The following BTBD9 variants were observed in gnomAD, a reference collection of about 807,000 sequenced individuals.
The protein encoded by BTBD9 is BTB/POZ domain-containing protein 9.
In BTBD9, 49 loss-of-function variants were observed where a neutral mutation model predicts 64.3. That is an observed-to-expected ratio of 0.76 (90% CI 0.61 to 0.97). BTBD9 has a LOEUF of 0.97. Ranked by LOEUF, BTBD9 falls within the 50% of genes least tolerant of loss-of-function variation. The pLI is 0.00. For synonymous variants in BTBD9, 260 were observed against 274.7 expected, an observed-to-expected ratio of 0.95 and a Z score of 0.53; for missense variants, 598 against 762.1, an observed-to-expected ratio of 0.78 and a Z score of 2.53.
intron 6 of BTBD9, among the ~76,000 whole-genome samples, chr6:38,526,060 G>C (rs924092081): frequency 3.3e-5 from 5 of 152,194 alleles, no homozygotes; most frequent in Admixed American, 3.3e-4. Flanking sequence ...TGCCTCCAAG[G>C]CATTTCAGAG....
chr6:38,391,192 T>A (rs1378811851), intron 6 of BTBD9, among the ~76,000 whole-genome samples: 4 of 152,228 alleles, frequency 2.6e-5, no homozygotes, highest in Non-Finnish European at 4.4e-5. Flanking sequence ...GATGATTAGC[T>A]CATGAACCTT....
chr6:38,416,404 G>A (rs945768853), intron 6 of BTBD9, among the ~76,000 whole-genome samples: 6 of 149,918 alleles, frequency 4.0e-5, no homozygotes, highest in Non-Finnish European at 8.9e-5. Context: ...GCGTGATCTC[G>A]GCTCACTGCA....
intron 6 of BTBD9, among the ~76,000 whole-genome samples, chr6:38,398,215 A>C (rs886396225): frequency 1.3e-5 from 2 of 152,240 alleles, no homozygotes; most frequent in African/African-American, 4.8e-5. Context: ...TATGAAGCAC[A>C]ATTTTAAAAA....
intron 4 of BTBD9, chr6:38,587,602 G>T: frequency 1.7e-6 from 1 of 577,256 alleles, no homozygotes. Flanking sequence ...ATTTGTTAAT[G>T]GCCAACGAAG....
chr6:38,610,540 G>A (rs1183090365), intron 1 of BTBD9, among the ~76,000 whole-genome samples: 1 of 152,168 alleles, frequency 6.6e-6, no homozygotes, highest in Non-Finnish European at 1.5e-5. Context: ...AAACACTGTG[G>A]TGGATAGAAT....
intron 9 of BTBD9, among the ~76,000 whole-genome samples, chr6:38,201,628 G>A (rs9380722): frequency 0.78 from 119,425 of 152,158 alleles, 47,021 homozygotes; most frequent in East Asian, 0.96. Context: ...AAAGGCATCC[G>A]AATTGGAAAA....
chr6:38,637,428 TATAA>T (rs1408641821), intron 1 of BTBD9, among the ~76,000 whole-genome samples: 11 of 152,240 alleles, frequency 7.2e-5, no homozygotes, highest in Non-Finnish European at 1.0e-4. Flanking sequence ...CAGAAGATGT[TATAA>T]ATAAAGACCA....
intron 6 of BTBD9, among the ~76,000 whole-genome samples, chr6:38,549,527 C>T (rs553948564): frequency 2.0e-5 from 3 of 151,990 alleles, no homozygotes; most frequent in East Asian, 3.9e-4. Flanking sequence ...TAGGTCCTCA[C>T]TTAGGAACTG....
chr6:38,454,670 T>A (rs976497907), intron 6 of BTBD9, among the ~76,000 whole-genome samples: 2 of 151,672 alleles, frequency 1.3e-5, no homozygotes, highest in African/African-American at 4.8e-5. Context: ...TGGTGGTGTG[T>A]GCCTGTTGTC....
chr6:38,530,775 ATGAAGAGAC>A (rs1373403575), intron 6 of BTBD9, among the ~76,000 whole-genome samples: 1 of 152,156 alleles, frequency 6.6e-6, no homozygotes, highest in African/African-American at 2.4e-5. Context: ...GATAAATTTA[ATGAAGAGAC>A]TGAAATAAAA....
At chr6:38,372,695 C>T (rs1443502432) in intron 6 of BTBD9, among the ~76,000 whole-genome samples, 2 of 152,166 alleles carry the variant, frequency 1.3e-5, no homozygotes, top group African/African-American at 2.4e-5. Flanking sequence ...GCTGTTCAGA[C>T]CTCCTGACTT....
At chr6:38,489,836 T>A (rs1440038988) in intron 6 of BTBD9, among the ~76,000 whole-genome samples, 1 of 152,262 alleles carries the variant, frequency 6.6e-6, no homozygotes, top group East Asian at 1.9e-4. Context: ...GAGGTATTCA[T>A]CTTCTTTTTG....
At chr6:38,321,977 T>C (rs962927026) in intron 7 of BTBD9, among the ~76,000 whole-genome samples, 3 of 151,890 alleles carry the variant, frequency 2.0e-5, no homozygotes, top group Non-Finnish European at 4.4e-5. Context: ...TGCTTGGTCC[T>C]TGACATTTCC....
At chr6:38,526,921 G>A (rs1773522998) in intron 6 of BTBD9, among the ~76,000 whole-genome samples, 1 of 152,180 alleles carries the variant, frequency 6.6e-6, no homozygotes, top group African/African-American at 2.4e-5. Flanking sequence ...GGACTTTTCA[G>A]TTAATGCTGA....
intron 6 of BTBD9, among the ~76,000 whole-genome samples, chr6:38,421,337 CAG>C (rs1371168603): frequency 6.6e-6 from 1 of 152,114 alleles, no homozygotes; most frequent in Non-Finnish European, 1.5e-5. Context: ...GCCTGGGAGA[CAG>C]AGCAAGATTC....
chr6:38,491,640 T>C (rs778597185), intron 6 of BTBD9, among the ~76,000 whole-genome samples: 11 of 152,144 alleles, frequency 7.2e-5, no homozygotes, highest in Non-Finnish European at 1.5e-4. Flanking sequence ...ACTGATGACA[T>C]TGCATCTCTT....
chr6:38,494,394 C>A (rs984624394), intron 6 of BTBD9, among the ~76,000 whole-genome samples: 2 of 152,108 alleles, frequency 1.3e-5, no homozygotes, highest in East Asian at 3.8e-4. Context: ...GAAATCAAAG[C>A]GAAACAAAAC....
At chr6:38,554,472 G>C (rs1327176544) in intron 6 of BTBD9, among the ~76,000 whole-genome samples, 1 of 152,214 alleles carries the variant, frequency 6.6e-6, no homozygotes, top group Non-Finnish European at 1.5e-5. Flanking sequence ...CTAAGTTCAA[G>C]GGAGGCATGA....
At chr6:38,197,777 G>T (rs1025743463) in intron 9 of BTBD9, among the ~76,000 whole-genome samples, 32 of 152,194 alleles carry the variant, frequency 2.1e-4, no homozygotes, top group African/African-American at 7.7e-4. Flanking sequence ...TATGGAAAAA[G>T]ATCTAAAACA....
Sources: allele counts gnomAD v4.1 joint callset (sites outside exome capture counted in the v4.1 genomes callset), GRCh38; gene constraint gnomAD v4.1.1; transcripts MANE v1.5; gene names NCBI Gene and HGNC (gene_info 2026-07-23, HGNC 2026-07-21).